The following SNX29 variants were observed in gnomAD, a reference collection of about 807,000 sequenced individuals.
The protein encoded by SNX29 is sorting nexin 29.
Under a neutral mutation model 102.1 loss-of-function variants are expected in SNX29, and 78 were observed. The ratio of observed to expected loss-of-function variants is 0.76; its 90% CI spans 0.64 to 0.92. The LOEUF is 0.92. Ranked by LOEUF, SNX29 falls within the 40% of genes least tolerant of loss-of-function variation. The pLI, the probability that SNX29 is intolerant of heterozygous loss-of-function variation, is 0.00. For missense variants in SNX29, 1,280 were observed against 1,061.7 expected (o/e 1.21, Z -2.86); for synonymous variants, 580 against 414.5 (o/e 1.40, Z -4.85).
chr16:12,174,973 C>A (rs17764466), intron 13 of SNX29, among the ~76,000 whole-genome samples: 10,937 of 151,962 alleles, frequency 0.072, 486 homozygotes, highest in East Asian at 0.17. Flanking sequence ...GGTAAGAGGG[C>A]TAGTAAACAG....
chr16:12,226,912 G>T (rs1355723169), intron 14 of SNX29, among the ~76,000 whole-genome samples: 1 of 152,096 alleles, frequency 6.6e-6, no homozygotes, highest in Non-Finnish European at 1.5e-5. Flanking sequence ...TATGTAACAC[G>T]TCTACTGGCT....
chr16:12,319,549 G>C (rs2080859611), intron 15 of SNX29, among the ~76,000 whole-genome samples: 1 of 152,308 alleles, frequency 6.6e-6, no homozygotes, highest in South Asian at 2.1e-4. Context: ...AGTGTTTCCA[G>C]CTGCCATTTG....
intron 13 of SNX29, among the ~76,000 whole-genome samples, chr16:12,130,525 G>A (rs2054419125): frequency 6.7e-6 from 1 of 148,858 alleles, no homozygotes; most frequent in Non-Finnish European, 1.5e-5. Context: ...AAAAAAGTGT[G>A]TATTTTAATT....
At chr16:12,168,747 G>T (rs772780993) in intron 13 of SNX29, among the ~76,000 whole-genome samples, 1 of 152,232 alleles carries the variant, frequency 6.6e-6, no homozygotes, top group Non-Finnish European at 1.5e-5. Context: ...AACGTATTGA[G>T]TTATTATTAG....
At chr16:12,318,127 C>A (rs115214302) in intron 15 of SNX29, among the ~76,000 whole-genome samples, 2,616 of 152,330 alleles carry the variant, frequency 0.017, 66 homozygotes, top group Admixed American at 0.048. Flanking sequence ...TGTGAGCCCC[C>A]ACGGCTGCAA....
intron 8 of SNX29, among the ~76,000 whole-genome samples, chr16:12,058,920 G>T (rs891830480): frequency 6.7e-6 from 1 of 150,348 alleles, no homozygotes; most frequent in Non-Finnish European, 1.5e-5. Context: ...AGCCCCTCCA[G>T]TAGCTGGGTC....
intron 20 of SNX29, among the ~76,000 whole-genome samples, chr16:12,547,430 G>T (rs562286407): frequency 6.6e-6 from 1 of 152,126 alleles, no homozygotes; most frequent in Middle Eastern, 3.2e-3. Flanking sequence ...TGGGCACCCC[G>T]GGGAGAGGGG....
chr16:12,091,028 AAAAAAAAAAAG>A (rs1320192039), intron 11 of SNX29, among the ~76,000 whole-genome samples: 7 of 134,956 alleles, frequency 5.2e-5, no homozygotes, highest in East Asian at 2.1e-4. Context: ...AAAAAAAAAA[AAAAAAAAAAAG>A]AAAGAAAAAG....
rs560959338 is a variant in SNX29 at position 12,012,983 on chromosome 16, T to A, written c.122+9940T>A. ...ACATTTGCATTTCAGGTAGATAGCT[T>A]CTGCCCAGGATGCATGGGTTGGGGT... is the stretch of plus-strand genomic sequence containing the variant. On this transcript the variant is annotated intron_variant, in intron 3 of 20. Coordinates refer to ENST00000566228, the MANE Select transcript of SNX29 (RefSeq NM_032167.5). Among the ~76,000 whole-genome samples the A allele has an allele frequency of 7.9e-5, 12 of 151,646 alleles. No individual in the cohort carries two copies. The East Asian group carries it at 2.3e-3, about 30-fold the overall frequency.
intron 14 of SNX29, among the ~76,000 whole-genome samples, chr16:12,265,354 G>T (rs1017942699): frequency 6.6e-6 from 1 of 152,126 alleles, no homozygotes; most frequent in African/African-American, 2.4e-5. Flanking sequence ...GCTGGGGAAG[G>T]GTGTGATAAC....
At chr16:12,536,453 C>T (rs962568772) in intron 20 of SNX29, among the ~76,000 whole-genome samples, 1 of 152,080 alleles carries the variant, frequency 6.6e-6, no homozygotes, top group Non-Finnish European at 1.5e-5. Flanking sequence ...TTGGGTTTGA[C>T]TCAAGGCTAT....
At chr16:12,351,835 G>T (rs2081999348) in intron 15 of SNX29, among the ~76,000 whole-genome samples, 1 of 152,062 alleles carries the variant, frequency 6.6e-6, no homozygotes, top group Admixed American at 6.6e-5. Context: ...GCATCATCTT[G>T]CTGGGCAACA....
At chr16:12,336,463 T>C (rs2081453821) in intron 15 of SNX29, among the ~76,000 whole-genome samples, 2 of 152,366 alleles carry the variant, frequency 1.3e-5, no homozygotes, top group Middle Eastern at 3.4e-3. Flanking sequence ...GGATGGTTTG[T>C]GTTGCAGTCA....
chr16:12,524,305 G>A (rs1300393510), intron 19 of SNX29, among the ~76,000 whole-genome samples: 2 of 151,834 alleles, frequency 1.3e-5, no homozygotes, highest in African/African-American at 4.8e-5. Context: ...ATAATTACCC[G>A]CTGACCTGTG....
chr16:12,165,823 C>CA (rs1267722944), intron 13 of SNX29, among the ~76,000 whole-genome samples: 10 of 152,246 alleles, frequency 6.6e-5, no homozygotes, highest in African/African-American at 2.4e-4. Context: ...CTCGGCCTCC[C>CA]AAAGTGTTGG....
chr16:12,461,538 G>T (rs539105036), intron 18 of SNX29, among the ~76,000 whole-genome samples: 2 of 152,244 alleles, frequency 1.3e-5, no homozygotes, highest in Admixed American at 6.5e-5. Flanking sequence ...AGAGGCTCTG[G>T]TGCTGAGGCT....
chr16:12,238,567 G>A (rs1033616547), intron 14 of SNX29, among the ~76,000 whole-genome samples: 3 of 152,124 alleles, frequency 2.0e-5, no homozygotes, highest in Non-Finnish European at 2.9e-5. Context: ...CAAGTGATCC[G>A]CCCGCCTTGG....
chr16:12,314,611 CTTTA>C (rs559485116), intron 15 of SNX29, among the ~76,000 whole-genome samples: 17 of 152,232 alleles, frequency 1.1e-4, no homozygotes, highest in Non-Finnish European at 2.4e-4. Flanking sequence ...CCACTTAAGT[CTTTA>C]TTTTAAAAAC....
intron 15 of SNX29, among the ~76,000 whole-genome samples, chr16:12,322,824 T>TGTCAGGATGTGGTCACTAGGG (rs1567437133): frequency 1.0e-4 from 13 of 129,580 alleles, no homozygotes; most frequent in African/African-American, 3.7e-4. Flanking sequence ...GAATCACTGA[T>TGTCAGGATGTGGTCACTAGGG]GACCACTGTC....
Sources: allele counts gnomAD v4.1 joint callset (sites outside exome capture counted in the v4.1 genomes callset), GRCh38; gene constraint gnomAD v4.1.1; transcripts MANE v1.5; gene names NCBI Gene and HGNC (gene_info 2026-07-23, HGNC 2026-07-21).